Variants in CNIH3 observed in about 807,000 individuals in gnomAD.
The protein encoded by CNIH3 is cornichon family AMPA receptor auxiliary protein 3, also known as protein cornichon homolog 3.
A neutral mutation model predicts 24.1 loss-of-function variants in CNIH3; 14 were observed. The observed-to-expected ratio is 0.58, with a 90% CI of 0.38 to 0.91. The LOEUF (loss-of-function observed/expected upper bound fraction) is 0.91, where lower values mean the gene tolerates loss of function less well. Among genes scored for constraint, CNIH3 ranks in the 40% least tolerant of loss-of-function variants. The pLI is 0.00. For synonymous variants in CNIH3, 68 were observed against 73.8 expected (o/e 0.92, Z 0.40); for missense variants, 178 against 196.8 (o/e 0.90, Z 0.57).
chr1:224,709,262 G>GCT (rs58979922), intron 3 of CNIH3, among the ~76,000 whole-genome samples: 11,766 of 150,972 alleles, frequency 0.078, 1,384 homozygotes, highest in African/African-American at 0.26. Context: ...ATCTTCTCCT[G>GCT]CTCTCTCTCT....
Position 224,454,195 on chromosome 1 carries a change from G to C in CNIH3, n.203+19333G>C, listed in dbSNP as rs965034105. 9.7e-6 allele frequency: 6 copies of C among 620,132 alleles called. No homozygotes were observed. The Admixed American group carries it at 1.9e-4, about 20-fold the overall frequency. The allele number at this position is 620,132 out of a possible 1,614,324, so 38.4% of individuals were successfully genotyped here. On this transcript the variant is annotated intron_variant and non_coding_transcript_variant, in intron 1 of 5. Transcript: ENST00000471578. ...ACTCATGGTTCCTTGAGTAAAAGGTGCTATGCTTTATCTACCCAATATTGT... is the reference window on the plus strand; with the variant it reads ...ACTCATGGTTCCTTGAGTAAAAGGTCCTATGCTTTATCTACCCAATATTGT...
intron 4 of CNIH3, among the ~76,000 whole-genome samples, chr1:224,572,752 C>A (rs983599017): frequency 2.6e-5 from 4 of 151,930 alleles, no homozygotes; most frequent in African/African-American, 9.7e-5. Context: ...GTCTGCCAAT[C>A]CATGAGAAAA....
chr1:224,648,335 C>G (rs1356926016), intron 1 of CNIH3, among the ~76,000 whole-genome samples: 1 of 150,686 alleles, frequency 6.6e-6, no homozygotes, highest in East Asian at 2.0e-4. Context: ...CGCTCAAACC[C>G]AGGAGGCAGA....
chr1:224,600,038 C>T (rs975615016), intron 3 of CNIH3, among the ~76,000 whole-genome samples: 2 of 152,092 alleles, frequency 1.3e-5, no homozygotes, highest in African/African-American at 4.8e-5. Context: ...ACAAGTGGGT[C>T]CATAACTCTA....
At chr1:224,669,808 A>G (rs527631302) in intron 1 of CNIH3, among the ~76,000 whole-genome samples, 1 of 152,224 alleles carries the variant, frequency 6.6e-6, no homozygotes, top group African/African-American at 2.4e-5. Context: ...ATACTTGAGG[A>G]CACCGAGGCT....
intron 3 of CNIH3, among the ~76,000 whole-genome samples, chr1:224,692,377 T>A (rs1315226551): frequency 6.6e-6 from 1 of 152,176 alleles, no homozygotes; most frequent in East Asian, 1.9e-4. Flanking sequence ...CCACAAGGGA[T>A]TGACTTCATT....
intron 2 of CNIH3, among the ~76,000 whole-genome samples, chr1:224,536,543 G>A (rs564892574): frequency 3.3e-5 from 5 of 151,992 alleles, no homozygotes; most frequent in East Asian, 3.9e-4. Context: ...TGCCCACCTC[G>A]GCTTCCCAAA....
upstream of CNIH3, among the ~76,000 whole-genome samples, chr1:224,514,409 A>T (rs1031503596): frequency 6.6e-6 from 1 of 152,212 alleles, no homozygotes; most frequent in Non-Finnish European, 1.5e-5. Flanking sequence ...AAATCTGCAC[A>T]CTAGCTATAT....
At chr1:224,534,257 A>G (rs1280879703) in intron 2 of CNIH3, among the ~76,000 whole-genome samples, 1 of 152,238 alleles carries the variant, frequency 6.6e-6, no homozygotes, top group Non-Finnish European at 1.5e-5. Context: ...CTGTGTGTTG[A>G]ATGAATGTAT....
intron 3 of CNIH3, among the ~76,000 whole-genome samples, chr1:224,694,355 AC>A (rs1440081908): frequency 6.6e-6 from 1 of 152,062 alleles, no homozygotes; most frequent in Non-Finnish European, 1.5e-5. Context: ...AGGAGAAGAA[AC>A]CCTAAAACTG....
intron 3 of CNIH3, among the ~76,000 whole-genome samples, chr1:224,729,728 TG>T (rs1689221660): frequency 1.3e-5 from 2 of 152,126 alleles, no homozygotes; most frequent in Non-Finnish European, 2.9e-5. Context: ...AGCTTTTCAA[TG>T]ATTTTAAGCT....
chr1:224,669,600 T>C (rs1685763910), intron 1 of CNIH3, among the ~76,000 whole-genome samples: 1 of 152,176 alleles, frequency 6.6e-6, no homozygotes, highest in Non-Finnish European at 1.5e-5. Flanking sequence ...CTAATGATCA[T>C]GCTCAAGGCC....
Position 224,616,542 on chromosome 1 carries a change from G to T in CNIH3, c.-633G>T. ...GGACGGGCGCGCCTCGGAGCGCACG[G>T]CTGCGCTGGAAGCCGCGTCTGGGGC... is the stretch of plus-strand genomic sequence containing the variant. On this transcript the variant is annotated 5_prime_UTR_variant, in exon 1 of 6. Transcript: ENST00000272133. The T allele has an allele frequency of 1.0e-6, 1 of 986,976 alleles. No homozygotes were observed. Among genetic ancestry groups the T allele is most frequent in the Non-Finnish European group, 1.2e-6 (1 of 830,876 alleles). The allele number at this position is 986,976 out of a possible 1,614,324, so 61.1% of individuals were successfully genotyped here. A position where few individuals can be genotyped will look rare whatever the true frequency, so the allele number is the denominator to read the frequency against.
intron 1 of CNIH3, among the ~76,000 whole-genome samples, chr1:224,468,550 T>C (rs1572303876): frequency 6.6e-6 from 1 of 152,236 alleles, no homozygotes. Context: ...CAGTTAAAAA[T>C]AGATTTATTA....
At chr1:224,601,183 G>T (rs1459056510) in intron 3 of CNIH3, among the ~76,000 whole-genome samples, 1 of 152,152 alleles carries the variant, frequency 6.6e-6, no homozygotes, top group African/African-American at 2.4e-5. Context: ...GGTTCTATAC[G>T]CTGGCATGCT....
At chr1:224,734,372 T>C (rs987991199) in intron 4 of CNIH3, among the ~76,000 whole-genome samples, 191 bp from the exon 5 acceptor site, 8 of 152,156 alleles carry the variant, frequency 5.3e-5, no homozygotes, top group African/African-American at 1.9e-4. Context: ...TTGGAGTATT[T>C]GGGGATTTAC....
intron 1 of CNIH3, among the ~76,000 whole-genome samples, chr1:224,440,711 G>C (rs1237708901): frequency 3.3e-5 from 5 of 152,138 alleles, no homozygotes; most frequent in African/African-American, 1.2e-4. Context: ...AGCATAAACA[G>C]GGTTTCTCTT....
chr1:224,564,019 G>A (rs1192817103), intron 3 of CNIH3, among the ~76,000 whole-genome samples: 1 of 152,180 alleles, frequency 6.6e-6, no homozygotes, highest in Non-Finnish European at 1.5e-5. Flanking sequence ...ATCCTGGAAA[G>A]GAATAGGTCC....
intron 3 of CNIH3, among the ~76,000 whole-genome samples, chr1:224,706,622 G>C (rs1039807535): frequency 2.0e-5 from 3 of 152,152 alleles, no homozygotes; most frequent in Non-Finnish European, 4.4e-5. Context: ...CATTTGGGAG[G>C]TTTGCATGTA....
Sources: allele counts gnomAD v4.1 joint callset (sites outside exome capture counted in the v4.1 genomes callset), GRCh38; gene constraint gnomAD v4.1.1; transcripts MANE v1.5; gene names NCBI Gene and HGNC (gene_info 2026-07-23, HGNC 2026-07-21).